The following CREB5 variants were observed in gnomAD, a reference collection of about 807,000 sequenced individuals.
CREB5 encodes cyclic AMP-responsive element-binding protein 5.
Under a neutral mutation model 57.1 loss-of-function variants are expected in CREB5, and 19 were observed. The ratio of observed to expected loss-of-function variants is 0.33; its 90% CI spans 0.23 to 0.49. The LOEUF is 0.49. Among genes scored for constraint, CREB5 ranks in the 20% least tolerant of loss-of-function variants. The pLI is 0.99. For synonymous variants in CREB5, 238 were observed against 238.3 expected (o/e 1.00, Z 0.01); for missense variants, 579 against 671.6 (o/e 0.86, Z 1.52).
rs553924352 is a variant in CREB5, at chr7:28,614,566, C to G, written c.464+44029C>G. 9.1e-4 allele frequency among the ~76,000 whole-genome samples: 138 copies of G among 152,270 alleles called. 1 individual carries two copies. Among genetic ancestry groups the G allele is most frequent in the African/African-American group, 3.3e-3 (137 of 41,570 alleles). On this transcript the variant is annotated intron_variant, in intron 5 of 10. Coordinates refer to ENST00000357727, the MANE Select transcript of CREB5 (RefSeq NM_182898.4). ...TTGAGACACTGCTTATGCCTCACCC[C>G]TAATGAGAGCCCCTTGCACTTCCAA...
chr7:28,362,661 G>A (rs565459761), intron 1 of CREB5, among the ~76,000 whole-genome samples: 26 of 152,202 alleles, frequency 1.7e-4, no homozygotes, highest in Non-Finnish European at 3.5e-4. Flanking sequence ...TGAATTGTAT[G>A]AGCTGTAATT....
At chr7:28,607,448 G>A (rs1797182233) in intron 5 of CREB5, among the ~76,000 whole-genome samples, 1 of 152,174 alleles carries the variant, frequency 6.6e-6, no homozygotes, top group Non-Finnish European at 1.5e-5. Context: ...TACATCTGGA[G>A]CGTGCTCATT....
At position 28,458,475 on chromosome 7, in the gene CREB5, A is replaced by G. The variant is rs1790211034; in HGVS notation, c.4-29700A>G. ...TTTAAGTTTACAGGGACATTTAAGA[A>G]AAGGCCTTTTACTATTATTTAATTT... On this transcript the variant is annotated intron_variant, in intron 1 of 10. Coordinates refer to ENST00000357727, the MANE Select transcript of CREB5 (RefSeq NM_182898.4). Among the ~76,000 whole-genome samples the G allele has an allele frequency of 3.3e-5, 5 of 152,238 alleles. No homozygotes were observed. In the South Asian group the frequency reaches 1.0e-3, roughly 32 times the overall value.
intron 8 of CREB5, among the ~76,000 whole-genome samples, chr7:28,807,240 A>G (rs905268013): frequency 1.3e-5 from 2 of 152,068 alleles, no homozygotes; most frequent in African/African-American, 4.8e-5. Flanking sequence ...CGAGGTCAGG[A>G]GTTCAAGACC....
intron 7 of CREB5, among the ~76,000 whole-genome samples, chr7:28,742,483 G>A (rs1025506157): frequency 3.3e-5 from 5 of 151,182 alleles, no homozygotes; most frequent in Admixed American, 1.3e-4. Context: ...GGAGAATGGC[G>A]TGAACCTGGG....
intron 1 of CREB5, among the ~76,000 whole-genome samples, chr7:28,301,168 A>G (rs1785092769): frequency 6.6e-6 from 1 of 152,184 alleles, no homozygotes; most frequent in Non-Finnish European, 1.5e-5. Flanking sequence ...TTGATTAGGA[A>G]CTGTTCAGGT....
chr7:28,716,101 G>A (rs751619406), intron 5 of CREB5, among the ~76,000 whole-genome samples: 3 of 151,838 alleles, frequency 2.0e-5, no homozygotes, highest in Admixed American at 1.3e-4. Context: ...ATCCCCATTC[G>A]CGTAACCATT....
At chr7:28,778,638 CTT>C (rs1212110354) in intron 7 of CREB5, among the ~76,000 whole-genome samples, 2 of 152,148 alleles carry the variant, frequency 1.3e-5, no homozygotes, top group South Asian at 4.1e-4. Flanking sequence ...TTTGGGAACT[CTT>C]TAAGGAATTA....
intron 5 of CREB5, among the ~76,000 whole-genome samples, chr7:28,582,322 A>G (rs1796150202): frequency 6.6e-6 from 1 of 152,204 alleles, no homozygotes; most frequent in Non-Finnish European, 1.5e-5. Flanking sequence ...CAAGGAGTTT[A>G]ATAAAGACAG....
At chr7:28,371,955 A>G (rs556231435) in intron 1 of CREB5, among the ~76,000 whole-genome samples, 1 of 152,160 alleles carries the variant, frequency 6.6e-6, no homozygotes, top group South Asian at 2.1e-4. Context: ...CAGGACTTAG[A>G]GGGTTAAGAT....
At chr7:28,800,568 G>A (rs1808302283) in intron 7 of CREB5, among the ~76,000 whole-genome samples, 1 of 152,202 alleles carries the variant, frequency 6.6e-6, no homozygotes, top group East Asian at 1.9e-4. Flanking sequence ...TCTGTGTTTT[G>A]GAGTAGGGGA....
Position 28,338,477 on chromosome 7 carries a change from G to A in CREB5, c.-25+39036G>A, listed in dbSNP as rs541960573. Among the ~76,000 whole-genome samples, 62 of 152,244 alleles carry A rather than the reference G, an allele frequency of 4.1e-4. 2 individuals are homozygous for A. The South Asian group carries it at 0.013, about 31-fold the overall frequency. ...TGGCCTGTAAGGTTTCCACTGAAAA[G>A]TCTGCTGCCAGATGTATTGAAGCTC... On this transcript the variant is annotated intron_variant, in intron 1 of 9. Transcript: ENST00000396299.
intron 5 of CREB5, among the ~76,000 whole-genome samples, chr7:28,642,991 C>CACAA (rs1554279327): frequency 2.6e-5 from 3 of 114,658 alleles, no homozygotes; most frequent in Non-Finnish European, 3.8e-5. Flanking sequence ...CACACATACA[C>CACAA]ACACACACAC....
intron 5 of CREB5, among the ~76,000 whole-genome samples, chr7:28,644,528 A>G (rs1798814887): frequency 6.6e-6 from 1 of 152,070 alleles, no homozygotes; most frequent in Non-Finnish European, 1.5e-5. Flanking sequence ...CTCCACTGCA[A>G]ACTGGGAACA....
intron 5 of CREB5, among the ~76,000 whole-genome samples, chr7:28,653,589 A>G (rs1799224034): frequency 2.6e-5 from 4 of 152,214 alleles, no homozygotes. Context: ...CAGGTATAAT[A>G]ATTTTGCATT....
chr7:28,346,904 T>A (rs575452532), intron 1 of CREB5, among the ~76,000 whole-genome samples: 28 of 152,108 alleles, frequency 1.8e-4, no homozygotes, highest in African/African-American at 5.8e-4. Context: ...AGAACTTTGA[T>A]CAGTATAAAA....
chr7:28,795,323 AG>A (rs1353931260), intron 7 of CREB5, among the ~76,000 whole-genome samples: 1 of 152,220 alleles, frequency 6.6e-6, no homozygotes, highest in African/African-American at 2.4e-5. Flanking sequence ...TCATTAGACA[AG>A]ATCTTTACGG....
chr7:28,522,920 C>T (rs1793273342), intron 4 of CREB5, among the ~76,000 whole-genome samples: 1 of 152,186 alleles, frequency 6.6e-6, no homozygotes, highest in Admixed American at 6.5e-5. Flanking sequence ...AATTCCAGTT[C>T]CCAACCAAGC....
At chr7:28,742,939 T>C (rs774651875) in intron 7 of CREB5, among the ~76,000 whole-genome samples, 23 of 152,128 alleles carry the variant, frequency 1.5e-4, no homozygotes, top group African/African-American at 3.6e-4. Context: ...TGCACCACCA[T>C]GTCCAGCTAA....
Sources: allele counts gnomAD v4.1 joint callset (sites outside exome capture counted in the v4.1 genomes callset), GRCh38; gene constraint gnomAD v4.1.1; transcripts MANE v1.5; gene names NCBI Gene and HGNC (gene_info 2026-07-23, HGNC 2026-07-21).